THSD7B: variants seen among roughly 807,000 people sequenced by gnomAD.
THSD7B encodes the protein thrombospondin type 1 domain containing 7B.
In THSD7B, 138 loss-of-function variants were observed where a neutral mutation model predicts 213.6. That is an observed-to-expected ratio of 0.65 (90% CI 0.56 to 0.74). The LOEUF is 0.74. THSD7B is among the 30% of genes least tolerant of loss of function. The pLI, the probability that THSD7B is intolerant of heterozygous loss-of-function variation, is 0.00. For synonymous variants in THSD7B, 742 were observed against 687.0 expected (o/e 1.08, Z -1.25); for missense variants, 1,931 against 1,991.5 (o/e 0.97, Z 0.58).
chr2:137,175,149 C>A (rs934686780), intron 7 of THSD7B, among the ~76,000 whole-genome samples: 2 of 152,158 alleles, frequency 1.3e-5, no homozygotes, highest in Non-Finnish European at 2.9e-5. Flanking sequence ...CATGTGCCCA[C>A]AATGCAAAGT....
At chr2:137,170,390 A>G (rs1185450345) in intron 6 of THSD7B, among the ~76,000 whole-genome samples, 1 of 152,196 alleles carries the variant, frequency 6.6e-6, no homozygotes, top group African/African-American at 2.4e-5. Context: ...CAGCAAAAAG[A>G]AAATGTGGAT....
intron 14 of THSD7B, among the ~76,000 whole-genome samples, chr2:137,436,381 G>A (rs6737297): frequency 1.3e-5 from 2 of 151,998 alleles, no homozygotes; most frequent in South Asian, 2.1e-4. Flanking sequence ...GAACAGATAG[G>A]TTAAAGAATT....
chr2:137,448,031 G>A (rs1558800103), intron 14 of THSD7B, among the ~76,000 whole-genome samples: 1 of 152,208 alleles, frequency 6.6e-6, no homozygotes. Context: ...AAAGGAAGAT[G>A]TGAGGAAGAT....
At chr2:136,985,265 C>T (rs186332300) in intron 2 of THSD7B, among the ~76,000 whole-genome samples, 8 of 152,238 alleles carry the variant, frequency 5.3e-5, no homozygotes, top group East Asian at 3.9e-4. Flanking sequence ...GCCTTGAAGG[C>T]GTTTGAGAAA....
intron 1 of THSD7B, among the ~76,000 whole-genome samples, chr2:136,805,793 C>T (rs1158799461): frequency 2.6e-5 from 4 of 152,154 alleles, no homozygotes; most frequent in African/African-American, 7.2e-5. Context: ...TCTTTCCTCA[C>T]CTTGTTCATT....
At chr2:137,004,347 A>ACACACAC (rs1558883730) in intron 2 of THSD7B, among the ~76,000 whole-genome samples, 2 of 138,878 alleles carry the variant, frequency 1.4e-5, no homozygotes, top group Admixed American at 7.2e-5. Context: ...ACACACACAC[A>ACACACAC]AACTTATTCC....
At chr2:137,430,946 AG>A (rs1209495872) in intron 14 of THSD7B, among the ~76,000 whole-genome samples, 4 of 152,208 alleles carry the variant, frequency 2.6e-5, no homozygotes, top group Non-Finnish European at 4.4e-5. Flanking sequence ...AGGAAAACAA[AG>A]AACTGGGTTC....
chr2:137,344,348 T>C (rs898412046), intron 12 of THSD7B, among the ~76,000 whole-genome samples: 2 of 151,720 alleles, frequency 1.3e-5, no homozygotes, highest in Non-Finnish European at 3.0e-5. Flanking sequence ...CAAATGAGTT[T>C]TCTAATATGA....
At chr2:136,919,385 G>A (rs1684398153) in intron 2 of THSD7B, among the ~76,000 whole-genome samples, 1 of 152,136 alleles carries the variant, frequency 6.6e-6, no homozygotes, top group African/African-American at 2.4e-5. Context: ...ACCTCACCTT[G>A]CAGCAGTCTG....
At chr2:137,513,786 T>C (rs1680015547) in intron 15 of THSD7B, among the ~76,000 whole-genome samples, 1 of 152,150 alleles carries the variant, frequency 6.6e-6, no homozygotes, top group Non-Finnish European at 1.5e-5. Context: ...CCAGGAGAGT[T>C]TGTGGATGAG....
At chr2:137,563,873 G>C (rs1283535187) in intron 16 of THSD7B, among the ~76,000 whole-genome samples, 2 of 152,148 alleles carry the variant, frequency 1.3e-5, no homozygotes, top group African/African-American at 4.8e-5. Flanking sequence ...GTGAATGCTA[G>C]ATTATTTACT....
chr2:136,821,029 C>T (rs1032603442), intron 1 of THSD7B, among the ~76,000 whole-genome samples: 3 of 151,960 alleles, frequency 2.0e-5, no homozygotes, highest in Admixed American at 6.6e-5. Flanking sequence ...TAGGTAGAAC[C>T]GTATAAAATT....
At chr2:137,396,492 C>A (rs1233378610) in intron 12 of THSD7B, among the ~76,000 whole-genome samples, 1 of 146,100 alleles carries the variant, frequency 6.8e-6, no homozygotes, top group Non-Finnish European at 1.5e-5. Context: ...GATTCTTAAT[C>A]CTGAGTTCTA....
intron 2 of THSD7B, among the ~76,000 whole-genome samples, chr2:136,996,047 T>A (rs2104820130): frequency 6.6e-6 from 1 of 152,346 alleles, no homozygotes; most frequent in African/African-American, 2.4e-5. Flanking sequence ...ATTTTGTATC[T>A]TTGAAGAGCA....
intron 2 of THSD7B, among the ~76,000 whole-genome samples, chr2:136,936,941 CTTT>C (rs1330996021): frequency 6.6e-6 from 1 of 152,032 alleles, no homozygotes; most frequent in Non-Finnish European, 1.5e-5. Context: ...GTCTCTTCCC[CTTT>C]TTAATGACTT....
intron 7 of THSD7B, among the ~76,000 whole-genome samples, chr2:137,177,706 A>G (rs1254441348): frequency 6.6e-6 from 1 of 152,186 alleles, no homozygotes; most frequent in East Asian, 1.9e-4. Context: ...CAGCTTCATA[A>G]TGTTAGCATA....
chr2:137,301,158 G>T (rs975663435), intron 12 of THSD7B, among the ~76,000 whole-genome samples: 1 of 152,010 alleles, frequency 6.6e-6, no homozygotes, highest in African/African-American at 2.4e-5. Flanking sequence ...CAGCTGGCCC[G>T]TTAATGTTCA....
intron 12 of THSD7B, among the ~76,000 whole-genome samples, chr2:137,393,244 T>C (rs1686084186): frequency 6.6e-6 from 1 of 151,674 alleles, no homozygotes; most frequent in Admixed American, 6.6e-5. Flanking sequence ...TGTGCCATGC[T>C]GGTGCACTGC....
chr2:136,972,166 G>T (rs1346736), intron 2 of THSD7B, among the ~76,000 whole-genome samples: 3 of 151,994 alleles, frequency 2.0e-5, no homozygotes, highest in Admixed American at 6.6e-5. Context: ...CTCAGACCCA[G>T]GGTAGACGTT....
Sources: gnomAD v4.1 joint callset for allele counts (sites outside exome capture counted in the v4.1 genomes callset) on GRCh38, gnomAD v4.1.1 for gene constraint, MANE v1.5 for transcripts, NCBI Gene and HGNC (gene_info 2026-07-23, HGNC 2026-07-21) for gene names.